Variants in SLC41A1 observed in about 807,000 individuals in gnomAD.
The protein encoded by SLC41A1 is solute carrier family 41 member 1.
A neutral mutation model predicts 47.3 loss-of-function variants in SLC41A1; 20 were observed. The ratio of observed to expected loss-of-function variants is 0.42; its 90% CI spans 0.30 to 0.61. The LOEUF (loss-of-function observed/expected upper bound fraction) is 0.61, where lower values mean the gene tolerates loss of function less well. Ranked by LOEUF, SLC41A1 falls within the 20% of genes least tolerant of loss-of-function variation. SLC41A1 has a pLI of 0.17. For missense variants in SLC41A1, 504 were observed against 674.1 expected, an observed-to-expected ratio of 0.75 and a Z score of 2.79; for synonymous variants, 282 against 272.7, an observed-to-expected ratio of 1.03 and a Z score of -0.34.
At chr1:205,800,896 G>A in intron 3 of SLC41A1, 57 bp downstream of exon 3, 5 of 1,490,140 alleles carry the variant, frequency 3.4e-6, no homozygotes, top group Non-Finnish European at 4.7e-6. Flanking sequence ...CCAGTCTCTG[G>A]CTCTGTGCTG....
rs1655801899 is a variant in SLC41A1 at position 205,798,683 on chromosome 1, A to T, written c.830T>A (p.Leu277His). ...TGGTGGCTCACTCAGTTCCAGGTAG[A>T]GTCCCCAGCTGATGCCTGAGAGCAG... is the stretch of plus-strand genomic sequence containing the variant. ...LALLSGISWG[L>H]YLELNHWRYI... Residue 277 changes from leucine to histidine, a missense_variant, in exon 6 of 11, where the codon CTC (leucine) becomes CAC (histidine). Coordinates refer to ENST00000367137, the MANE Select transcript of SLC41A1 (RefSeq NM_173854.6). 6.2e-7 allele frequency: 1 copy of T among 1,614,190 alleles called. No individual in the cohort carries two copies. Among genetic ancestry groups the T allele is most frequent in the Non-Finnish European group, 8.5e-7 (1 of 1,180,026 alleles).
At chr1:205,812,454 G>A (rs1454182124) in intron 1 of SLC41A1, among the ~76,000 whole-genome samples, 1 of 152,180 alleles carries the variant, frequency 6.6e-6, no homozygotes, top group African/African-American at 2.4e-5. Flanking sequence ...TTCTGAGTCC[G>A]CTAAAAGCTG....
At chr1:205,797,033 A>G (rs1454001672) in intron 7 of SLC41A1, 30 bp from the exon 8 acceptor site, 2 of 1,444,182 alleles carry the variant, frequency 1.4e-6, no homozygotes, top group South Asian at 2.4e-5. Context: ...AAATGACGCA[A>G]AGACCACTGA....
intron 10 of SLC41A1, among the ~76,000 whole-genome samples, chr1:205,794,146 G>C (rs58497333): frequency 1.9e-5 from 1 of 51,468 alleles, no homozygotes; most frequent in African/African-American, 4.1e-5. Context: ...GAACACACAC[G>C]CACACACACA....
At position 205,795,226 on chromosome 1, in the gene SLC41A1, CACAGCCCAGCAGA is replaced by C; in HGVS notation, c.1207+105_1207+117del. 3 of 1,535,578 alleles carry C rather than the reference CACAGCCCAGCAGA, an allele frequency of 2.0e-6. No individual in the cohort carries two copies. In the South Asian group the frequency reaches 3.5e-5, roughly 18 times the overall value. On this transcript the variant is annotated intron_variant, in intron 9 of 10. Transcript: ENST00000367137. ...GGGCTCTGCCCTTCAGAACAGCTGG[CACAGCCCAGCAGA>C]GAAGGAGAACCTGTGGATCTGGGGC...
intron 2 of SLC41A1, among the ~76,000 whole-genome samples, chr1:205,803,632 C>CTTTT (rs140199204): frequency 4.1e-5 from 5 of 121,034 alleles, no homozygotes; most frequent in South Asian, 2.7e-4. Context: ...TAGTCAAATT[C>CTTTT]TTTTTTTTTT....
rs189899317 is a variant in SLC41A1 at position 205,809,026 on chromosome 1, G to A, written c.372+1044C>T. 8.6e-4 allele frequency among the ~76,000 whole-genome samples: 131 copies of A among 152,202 alleles called. No individual in the cohort carries two copies. The Middle Eastern group carries it at 0.017, about 20-fold the overall frequency. On this transcript the variant is annotated intron_variant, in intron 2 of 10. Transcript: ENST00000367137. Reference sequence around the variant, plus strand: ...GAGATATCACAGTCAGGGAACACTGGGGGTCCCAAAAAGCAAAGGCCAGAT... The same window carrying A: ...GAGATATCACAGTCAGGGAACACTGAGGGTCCCAAAAAGCAAAGGCCAGAT...
chr1:205,794,159 C>CACACAT (rs34271133), intron 10 of SLC41A1, among the ~76,000 whole-genome samples: 1 of 151,778 alleles, frequency 6.6e-6, no homozygotes, highest in South Asian at 2.1e-4. Flanking sequence ...CACACACACA[C>CACACAT]GAGTGCATGT....
At chr1:205,793,549 C>A (rs138930255) in intron 10 of SLC41A1, among the ~76,000 whole-genome samples, 1 of 152,184 alleles carries the variant, frequency 6.6e-6, no homozygotes. Context: ...CCAAGATGTC[C>A]GAACACAACC....
In SLC41A1 at chr1:205,810,206, A is replaced by G. The variant is rs369337468; in HGVS notation, c.236T>C (p.Val79Ala). The G allele has an allele frequency of 6.8e-6, 11 of 1,614,192 alleles. No homozygotes were observed. In the African/African-American group the frequency reaches 1.5e-4, roughly 22 times the overall value. The change falls in exon 2 of 11, where the codon GTC (valine) becomes GCC (alanine). Residue 79 changes from valine (V) to alanine (A), a missense_variant. Around this residue, in one of 2 missense-constraint regions of SLC41A1, gnomAD observed 421 missense variants for 601.6 expected, o/e 0.70. Transcript: ENST00000367137. This position sits in a 1 kb window ranked among gnomAD's most constrained non-coding sequence, Gnocchi z 5.5. ...TGGCGCAGGGCCACGGTCTGTGCTGACGTCGTCACTTTCGTTGCTCTGGCT... is the reference window on the plus strand; with the variant it reads ...TGGCGCAGGGCCACGGTCTGTGCTGGCGTCGTCACTTTCGTTGCTCTGGCT... ...NGSQSNESDD[V>A]STDRGPAPPS...
intron 3 of SLC41A1, 114 bp downstream of exon 3, chr1:205,800,839 C>T (rs1276507016): frequency 4.0e-6 from 4 of 1,002,858 alleles, no homozygotes; most frequent in Middle Eastern, 6.2e-4. Context: ...CCCACCCCAG[C>T]CCCACACTCC....
At chr1:205,806,688 G>A (rs1044013925) in intron 2 of SLC41A1, among the ~76,000 whole-genome samples, 4 of 152,138 alleles carry the variant, frequency 2.6e-5, no homozygotes, top group Non-Finnish European at 2.9e-5. Context: ...GCCATGGTTG[G>A]GAAGTTAGAG....
chr1:205,808,978 T>C (rs2102511395), intron 2 of SLC41A1, among the ~76,000 whole-genome samples: 1 of 152,306 alleles, frequency 6.6e-6, no homozygotes, highest in South Asian at 2.1e-4. Flanking sequence ...GGGAAGGTGA[T>C]GCTAAGCTTC....
intron 3 of SLC41A1, among the ~76,000 whole-genome samples, chr1:205,800,469 C>T (rs1456373397): frequency 6.6e-6 from 1 of 152,192 alleles, no homozygotes; most frequent in Non-Finnish European, 1.5e-5. Flanking sequence ...TGACGAGCAG[C>T]TCCTCTCTGT....
At chr1:205,808,576 C>T (rs1558083675) in intron 2 of SLC41A1, among the ~76,000 whole-genome samples, 1 of 152,204 alleles carries the variant, frequency 6.6e-6, no homozygotes, top group Non-Finnish European at 1.5e-5. Flanking sequence ...AGAACTGAGG[C>T]CACAGGAAAG....
At chr1:205,812,705 GCCT>G (rs1469111490) in intron 1 of SLC41A1, 100 bp downstream of exon 1, 5 of 980,950 alleles carry the variant, frequency 5.1e-6, no homozygotes, top group African/African-American at 1.7e-5. Flanking sequence ...TAACTGGGTG[GCCT>G]CCTCAGTCTC....
intron 2 of SLC41A1, among the ~76,000 whole-genome samples, chr1:205,808,643 C>T (rs1558083708): frequency 6.6e-6 from 1 of 152,196 alleles, no homozygotes; most frequent in Non-Finnish European, 1.5e-5. Flanking sequence ...CTCCTACTGT[C>T]CCAGTCCCGG....
At position 205,800,837 on chromosome 1, in the gene SLC41A1, AG is replaced by A. The variant is rs887406757; in HGVS notation, c.480+115del. ...CAGCCAGGCCCTCCCTTCCCACCCC[AG>A]CCCCACACTCCAGGCCTGGGCAGTG... On this transcript the variant is annotated intron_variant, in intron 3 of 10. Transcript: ENST00000367137. 3.2e-6 allele frequency: 3 copies of A among 925,798 alleles called. No individual in the cohort carries two copies. The African/African-American group carries it at 4.9e-5, about 15-fold the overall frequency. The allele number at this position is 925,798 out of a possible 1,614,324, so 57.3% of individuals were successfully genotyped here. A position where few individuals can be genotyped will look rare whatever the true frequency, so the allele number is the denominator to read the frequency against.
chr1:205,795,256 A>T, intron 9 of SLC41A1, 88 bp downstream of exon 9: 1 of 1,596,194 alleles, frequency 6.3e-7, no homozygotes, highest in Non-Finnish European at 8.6e-7. Context: ...GAACCTGTGG[A>T]TCTGGGGCCC....
Sources: allele counts gnomAD v4.1 joint callset (sites outside exome capture counted in the v4.1 genomes callset), GRCh38; gene constraint gnomAD v4.1.1; regional missense constraint gnomAD v4.1.1; non-coding constraint Gnocchi (gnomAD v3.1); transcripts MANE v1.5; gene names NCBI Gene and HGNC (gene_info 2026-07-23, HGNC 2026-07-21).